CCDC102B: variants seen among roughly 807,000 people sequenced by gnomAD.
CCDC102B encodes the protein coiled-coil domain containing 102B.
CCDC102B carries 75 observed loss-of-function variants against 57.4 expected under a neutral mutation model. The ratio of observed to expected loss-of-function variants is 1.31; its 90% confidence interval spans 1.08 to 1.58. CCDC102B has a LOEUF of 1.58. CCDC102B is among the 40% of genes most tolerant of loss of function. CCDC102B has a pLI of 0.00. For synonymous variants in CCDC102B, 206 were observed against 201.9 expected, an observed-to-expected ratio of 1.02 and a Z score of -0.17; for missense variants, 636 against 582.6, an observed-to-expected ratio of 1.09 and a Z score of -0.94.
At chr18:68,944,250 G>A (rs2049469542) in intron 6 of CCDC102B, among the ~76,000 whole-genome samples, 1 of 151,788 alleles carries the variant, frequency 6.6e-6, no homozygotes, top group South Asian at 2.1e-4. Context: ...GAAAAACAAG[G>A]CTGGGTAATT....
chr18:68,952,312 C>T (rs988388031), intron 6 of CCDC102B, among the ~76,000 whole-genome samples: 1 of 151,868 alleles, frequency 6.6e-6, no homozygotes, highest in African/African-American at 2.4e-5. Flanking sequence ...TTCACAAAAT[C>T]ATAATAATCA....
At chr18:68,974,275 G>A (rs1352658261) in intron 6 of CCDC102B, among the ~76,000 whole-genome samples, 2 of 151,950 alleles carry the variant, frequency 1.3e-5, no homozygotes, top group Non-Finnish European at 2.9e-5. Flanking sequence ...CTTCTGCCAT[G>A]TGAGGACCCA....
intron 2 of CCDC102B, among the ~76,000 whole-genome samples, chr18:68,781,344 A>G (rs1359562205): frequency 1.3e-5 from 2 of 151,412 alleles, no homozygotes; most frequent in African/African-American, 2.4e-5. Flanking sequence ...TGGACAAAGA[A>G]ATTTGGATAT....
At chr18:68,910,703 T>A (rs2040808499) in intron 6 of CCDC102B, among the ~76,000 whole-genome samples, 2 of 152,212 alleles carry the variant, frequency 1.3e-5, no homozygotes, top group Admixed American at 1.3e-4. Context: ...AGAATTCTAA[T>A]TTAAAAAGCA....
intron 3 of CCDC102B, 141 bp downstream of exon 3, chr18:68,839,067 G>GAT: frequency 1.4e-6 from 1 of 726,500 alleles, no homozygotes; most frequent in Non-Finnish European, 2.3e-6. Context: ...AAATTAGTTT[G>GAT]ATATATATTC....
intron 1 of CCDC102B, among the ~76,000 whole-genome samples, chr18:68,799,382 A>G (rs9967207): frequency 0.012 from 1,848 of 152,206 alleles, 33 homozygotes; most frequent in African/African-American, 0.041. Context: ...TTCATATGTT[A>G]TCATTGGATT....
At chr18:68,826,033 T>C (rs969332862) in intron 1 of CCDC102B, among the ~76,000 whole-genome samples, 4 of 152,384 alleles carry the variant, frequency 2.6e-5, no homozygotes, top group East Asian at 1.9e-4. Flanking sequence ...CGTTTGTTTT[T>C]ATTTTCCAAA....
chr18:68,825,518 C>T (rs1280556736), intron 1 of CCDC102B, among the ~76,000 whole-genome samples: 1 of 152,032 alleles, frequency 6.6e-6, no homozygotes, highest in Non-Finnish European at 1.5e-5. Flanking sequence ...AGCAAAACTT[C>T]ATCTCTACTA....
intron 1 of CCDC102B, among the ~76,000 whole-genome samples, chr18:68,828,816 T>G: frequency 6.6e-6 from 1 of 151,784 alleles, no homozygotes; most frequent in African/African-American, 2.4e-5. Context: ...TTAAATATAT[T>G]CTGTCATGTC....
intron 1 of CCDC102B, among the ~76,000 whole-genome samples, chr18:68,818,742 T>G (rs2036586190): frequency 6.6e-6 from 1 of 152,190 alleles, no homozygotes; most frequent in Non-Finnish European, 1.5e-5. Flanking sequence ...ATGGTAAAAT[T>G]TTTGCATCCA....
intron 6 of CCDC102B, among the ~76,000 whole-genome samples, chr18:68,916,121 CAGTT>C (rs1260336824): frequency 5.3e-5 from 8 of 151,248 alleles, no homozygotes; most frequent in Non-Finnish European, 2.9e-5. Flanking sequence ...AATATTAGAT[CAGTT>C]AGTTTGGTTG....
intron 1 of CCDC102B, among the ~76,000 whole-genome samples, chr18:68,802,656 C>G (rs1303401129): frequency 6.6e-6 from 1 of 152,138 alleles, no homozygotes; most frequent in Non-Finnish European, 1.5e-5. Flanking sequence ...TCACATGGTC[C>G]ATTCATTGTC....
chr18:69,022,287 G>C (rs8096550), intron 7 of CCDC102B, among the ~76,000 whole-genome samples: 134,274 of 150,278 alleles, frequency 0.89, 61,759 homozygotes, highest in Non-Finnish European at 1. Context: ...ACATATATAT[G>C]TGGGCACACA....
At chr18:68,791,322 G>A (rs764601896) in intron 2 of CCDC102B, among the ~76,000 whole-genome samples, 17 of 152,160 alleles carry the variant, frequency 1.1e-4, no homozygotes, top group Admixed American at 3.3e-4. Flanking sequence ...TATAGTTCCT[G>A]ATCAGTAAAA....
intron 2 of CCDC102B, among the ~76,000 whole-genome samples, chr18:68,740,764 G>C (rs563138703): frequency 6.6e-6 from 1 of 152,054 alleles, no homozygotes; most frequent in Admixed American, 6.6e-5. Flanking sequence ...CCCCATTTTA[G>C]CCTGTTTCAA....
chr18:68,989,034 A>G (rs921932630), intron 6 of CCDC102B, among the ~76,000 whole-genome samples: 2 of 152,064 alleles, frequency 1.3e-5, no homozygotes, highest in African/African-American at 4.8e-5. Flanking sequence ...CATATCTCTC[A>G]TATCTGTTCC....
At chr18:68,794,922 C>T (rs1008182898), upstream of CCDC102B, among the ~76,000 whole-genome samples, 39 of 151,436 alleles carry the variant, frequency 2.6e-4, no homozygotes, top group African/African-American at 9.2e-4. Flanking sequence ...TGGTTGTGGC[C>T]TGTGTGGGGC....
At chr18:68,731,181 T>A (rs1012326877) in intron 2 of CCDC102B, among the ~76,000 whole-genome samples, 8 of 152,120 alleles carry the variant, frequency 5.3e-5, no homozygotes, top group Non-Finnish European at 1.0e-4. Flanking sequence ...AGACAGGGTT[T>A]CACCATGTTG....
At position 68,765,329 on chromosome 18, in the gene CCDC102B, GAAA is replaced by G. The variant is rs2034409947; in HGVS notation, c.-67+48736_-67+48738del. Among the ~76,000 whole-genome samples the G allele has an allele frequency of 5.7e-3, 343 of 59,958 alleles. 1 individual carries two copies. Among genetic ancestry groups the G allele is most frequent in the African/African-American group, 0.014 (242 of 17,414 alleles). 39.3% of individuals were successfully genotyped at this position (59,958 alleles called of 152,430 possible). A position where few individuals can be genotyped will look rare whatever the true frequency, so the allele number is the denominator to read the frequency against. On this transcript the variant is annotated intron_variant, in intron 2 of 3. Coordinates refer to the CCDC102B transcript ENST00000578970. ...GGAAGGAAGGAAGGAAGGAAGGAAAGAAAGAAAGAAAGAAAGAAAGAAAGAAAG... is the reference window on the plus strand; with the variant it reads ...GGAAGGAAGGAAGGAAGGAAGGAAAGGAAAGAAAGAAAGAAAGAAAGAAAG...
Sources: gnomAD v4.1 joint callset for allele counts (sites outside exome capture counted in the v4.1 genomes callset) on GRCh38, gnomAD v4.1.1 for gene constraint, MANE v1.5 for transcripts, NCBI Gene and HGNC (gene_info 2026-07-23, HGNC 2026-07-21) for gene names.